The following PCDHGB4 variants were observed in gnomAD, a reference collection of about 807,000 sequenced individuals.
The protein encoded by PCDHGB4 is protocadherin gamma-B4.
Under a neutral mutation model 60.5 loss-of-function variants are expected in PCDHGB4, and 38 were observed. That is an observed-to-expected ratio of 0.63 (90% CI 0.48 to 0.82). The LOEUF (loss-of-function observed/expected upper bound fraction) is 0.82. Among genes scored for constraint, PCDHGB4 ranks in the 40% least tolerant of loss-of-function variants. The probability of loss-of-function intolerance (pLI) is 0.00; values close to 1 mark genes in which losing one functional copy is unlikely to be tolerated. For synonymous variants in PCDHGB4, 456 were observed against 509.7 expected (o/e 0.89, Z 1.42); for missense variants, 1,109 against 1,209.6 (o/e 0.92, Z 1.23).
At chr5:141,465,747 A>G (rs2099108470) in intron 1 of PCDHGB4, among the ~76,000 whole-genome samples, 2 of 151,126 alleles carry the variant, frequency 1.3e-5, no homozygotes, top group African/African-American at 4.9e-5. Flanking sequence ...TCAGGATCAG[A>G]CTGGTAAAGT....
chr5:141,425,559 G>A (rs1180113940), intron 1 of PCDHGB4, among the ~76,000 whole-genome samples: 2 of 152,176 alleles, frequency 1.3e-5, no homozygotes, highest in East Asian at 3.9e-4. Context: ...TCTTTTATAA[G>A]TGATAAGAAG....
Position 141,414,170 on chromosome 5 carries a change from T to C in PCDHGB4, c.2397+23889T>C, listed in dbSNP as rs1411353386. The C allele has an allele frequency of 6.2e-7, 1 of 1,606,208 alleles. No homozygotes were observed. The highest frequency in any genetic ancestry group is 1.7e-5 in the Admixed American group (1 of 58,580). The stretch of plus-strand genomic sequence containing the variant: ...CAAGCAGAAGATGGAGGAGCATATC[T>C]TGCAACTGCAAAAGTGTTGATTACA... On this transcript the variant is annotated intron_variant, in intron 1 of 3. Coordinates refer to ENST00000519479, the MANE Select transcript of PCDHGB4 (RefSeq NM_003736.4).
At chr5:141,509,334 G>A (rs1184232270) in intron 3 of PCDHGB4, among the ~76,000 whole-genome samples, 1 of 152,186 alleles carries the variant, frequency 6.6e-6, no homozygotes, top group Non-Finnish European at 1.5e-5. Flanking sequence ...ACTGCCAGCT[G>A]GGCCTGGGCT....
At chr5:141,468,415 G>A (rs1040067190) in intron 1 of PCDHGB4, 5 of 151,704 alleles carry the variant, frequency 3.3e-5, no homozygotes, top group Non-Finnish European at 7.4e-5. Context: ...TAATAAGTTA[G>A]ATAGCAAGGT....
At chr5:141,398,923 G>A in intron 1 of PCDHGB4, 1 of 1,613,978 alleles carries the variant, frequency 6.2e-7, no homozygotes, top group Non-Finnish European at 8.5e-7. Context: ...GCAAGTGTCA[G>A]CCACTGACCA....
At position 141,432,963 on chromosome 5, in the gene PCDHGB4, C is replaced by T. The variant is rs1382354299; in HGVS notation, c.2397+42682C>T. 1.5e-5 allele frequency: 24 copies of T among 1,614,046 alleles called. 1 individual carries two copies. In the South Asian group the frequency reaches 2.3e-4, roughly 16 times the overall value. On this transcript the variant is annotated intron_variant, in intron 1 of 3. Transcript: ENST00000519479. The surrounding 1 kb of genome is among the most constrained non-coding windows in gnomAD (Gnocchi z 6.0). ...GCTTCAGGAGGCGGCTTGACAGGAG[C>T]GCCGGCGTCGCACTTTGTGGGCGTG...
In PCDHGB4 at chr5:141,389,404, C is replaced by T; in HGVS notation, c.1520C>T (p.Ala507Val). The T allele has an allele frequency of 1.9e-6, 3 of 1,613,616 alleles. No individual in the cohort carries two copies. Among genetic ancestry groups the T allele is most frequent in the Non-Finnish European group, 2.5e-6 (3 of 1,179,910 alleles). Residue 507 changes from alanine (A) to valine (V), a missense_variant, in exon 1 of 4, where the codon GCG becomes GTG. Physicochemically the swap from Ala to Val is moderately conservative, Grantham distance 64 (BLOSUM62 0). Coordinates refer to ENST00000519479, the MANE Select transcript of PCDHGB4 (RefSeq NM_003736.4). ...RELSSYVSIS[A>V]ESGVVFAQRA... ...CTGTCATCCTACGTGTCCATAAGCG[C>T]GGAGAGCGGGGTGGTGTTCGCGCAG...
intron 1 of PCDHGB4, chr5:141,426,745 A>G (rs866203428): frequency 6.2e-5 from 28 of 454,130 alleles, no homozygotes; most frequent in Middle Eastern, 6.5e-4. Context: ...TTTGGCCTGG[A>G]ATCTGCTATA....
Position 141,389,491 on chromosome 5 carries a change from G to C in PCDHGB4, c.1607G>C (p.Gly536Ala). ...CTCACACTGCAGGCCCGCGACCAGG[G>C]CTCGCCAGCGCTCAGCGCGAACGTG... ...FELTLQARDQ[G>A]SPALSANVSL... Residue 536 changes from glycine (G) to alanine (A), a missense_variant, in exon 1 of 4, where the codon GGC becomes GCC. Around this residue, in one of 2 missense-constraint regions of PCDHGB4, gnomAD observed 1,068 missense variants for 1,089.9 expected, o/e 0.98. Transcript: ENST00000519479. 1 of 1,612,994 alleles carries C rather than the reference G, an allele frequency of 6.2e-7. No homozygotes were observed. The highest frequency in any genetic ancestry group is 8.5e-7 in the Non-Finnish European group (1 of 1,179,714).
intron 1 of PCDHGB4, among the ~76,000 whole-genome samples, chr5:141,474,412 C>A (rs1282336092): frequency 6.6e-6 from 1 of 152,220 alleles, no homozygotes; most frequent in Non-Finnish European, 1.5e-5. Flanking sequence ...CCGGTGATGC[C>A]TAGACCATTG....
intron 1 of PCDHGB4, chr5:141,399,027 A>G (rs1427563902): frequency 6.2e-7 from 1 of 1,613,788 alleles, no homozygotes; most frequent in Non-Finnish European, 8.5e-7. Context: ...TTACCACTCA[A>G]AAGAAACTGG....
At chr5:141,451,180 T>C (rs1318435826) in intron 1 of PCDHGB4, among the ~76,000 whole-genome samples, 4 of 152,180 alleles carry the variant, frequency 2.6e-5, no homozygotes, top group Non-Finnish European at 4.4e-5. Flanking sequence ...ATTTAGCCAT[T>C]GCTGTGTAAC....
chr5:141,410,485 A>G, intron 1 of PCDHGB4: 3 of 1,614,016 alleles, frequency 1.9e-6, no homozygotes, highest in Non-Finnish European at 1.7e-6. Flanking sequence ...ATACGGGTAC[A>G]AAAGAGTTTA....
intron 1 of PCDHGB4, chr5:141,408,141 C>G: frequency 1.3e-6 from 2 of 1,492,116 alleles, no homozygotes; most frequent in Non-Finnish European, 1.8e-6. Context: ...GCTCTTTTAG[C>G]GCGGTAGAGT....
chr5:141,418,093 C>A, intron 1 of PCDHGB4: 2 of 1,614,032 alleles, frequency 1.2e-6, no homozygotes, highest in Non-Finnish European at 1.7e-6. Context: ...TCAGCGTAGA[C>A]GCGCAGAGCG....
rs758439978 is a variant in PCDHGB4 at position 141,415,219 on chromosome 5, T to C, written c.2397+24938T>C. ...CCAAGTCCTGGCGGACCTCGGCAGC[T>C]TCGAGTCTCCAGCTAACTCTGAAAC... On this transcript the variant is annotated intron_variant, in intron 1 of 3. Coordinates refer to ENST00000519479, the MANE Select transcript of PCDHGB4 (RefSeq NM_003736.4). 42 of 1,613,954 alleles carry C rather than the reference T, an allele frequency of 2.6e-5. No individual in the cohort carries two copies. Among genetic ancestry groups the C allele is most frequent in the South Asian group, 9.9e-5 (9 of 91,088 alleles).
At chr5:141,423,783 A>G in intron 1 of PCDHGB4, 1 of 1,264,712 alleles carries the variant, frequency 7.9e-7, no homozygotes, top group South Asian at 1.9e-5. Context: ...TATTTAGTTC[A>G]TATATATTTA....
chr5:141,428,057 G>T, intron 1 of PCDHGB4: 1 of 1,609,044 alleles, frequency 6.2e-7, no homozygotes, highest in Non-Finnish European at 8.5e-7. Flanking sequence ...AGGTGGTGGC[G>T]GTGGACGCAG....
At chr5:141,412,861 A>T (rs925106716) in intron 1 of PCDHGB4, 19 of 235,604 alleles carry the variant, frequency 8.1e-5, no homozygotes, top group African/African-American at 3.4e-4. Context: ...CAAAGAATCT[A>T]TGTAAAATAT....
Sources: gnomAD v4.1 joint callset for allele counts (sites outside exome capture counted in the v4.1 genomes callset) on GRCh38, gnomAD v4.1.1 for gene constraint, gnomAD v4.1.1 regional missense constraint, Gnocchi (gnomAD v3.1) non-coding constraint, MANE v1.5 for transcripts, NCBI Gene and HGNC (gene_info 2026-07-23, HGNC 2026-07-21) for gene names.